RNF130: variants seen among roughly 807,000 people sequenced by gnomAD.
RNF130 encodes E3 ubiquitin-protein ligase RNF130.
A neutral mutation model predicts 44.6 loss-of-function variants in RNF130; 21 were observed. The observed-to-expected ratio is 0.47, with a 90% confidence interval of 0.33 to 0.68. The LOEUF (loss-of-function observed/expected upper bound fraction) is 0.68. Among genes scored for constraint, RNF130 ranks in the 30% least tolerant of loss-of-function variants. The probability of loss-of-function intolerance (pLI) is 0.02; values close to 1 mark genes in which losing one functional copy is unlikely to be tolerated. For synonymous variants in RNF130, 214 were observed against 210.4 expected, an observed-to-expected ratio of 1.02 and a Z score of -0.15; for missense variants, 479 against 560.6, an observed-to-expected ratio of 0.85 and a Z score of 1.47.
At chr5:179,944,419 T>C in intron 7 of RNF130, among the ~76,000 whole-genome samples, 1 of 152,218 alleles carries the variant, frequency 6.6e-6, no homozygotes, top group East Asian at 1.9e-4. Context: ...ATCTATATTT[T>C]ATATCTCCTT....
At chr5:179,979,510 A>G (rs915769917) in intron 4 of RNF130, among the ~76,000 whole-genome samples, 34 of 152,124 alleles carry the variant, frequency 2.2e-4, no homozygotes, top group Admixed American at 1.4e-3. Flanking sequence ...TTGAGATGCC[A>G]TTTTCCCATT....
chr5:180,004,063 A>T (rs1230683731), intron 3 of RNF130, among the ~76,000 whole-genome samples: 2 of 152,194 alleles, frequency 1.3e-5, no homozygotes, highest in African/African-American at 2.4e-5. Context: ...AGATTAAATA[A>T]TTTGCCCACA....
chr5:179,993,091 A>G (rs1763125938), intron 3 of RNF130, among the ~76,000 whole-genome samples: 1 of 152,186 alleles, frequency 6.6e-6, no homozygotes, highest in Non-Finnish European at 1.5e-5. Context: ...TCCATGGTGT[A>G]TATGTGCCAC....
At chr5:180,031,225 G>T (rs538121286) in intron 2 of RNF130, among the ~76,000 whole-genome samples, 6 of 152,154 alleles carry the variant, frequency 3.9e-5, no homozygotes, top group African/African-American at 1.4e-4. Flanking sequence ...GGTGGCTCAC[G>T]CCTGTACTCC....
intron 3 of RNF130, among the ~76,000 whole-genome samples, chr5:180,004,214 C>T (rs1330073322): frequency 6.6e-6 from 1 of 152,210 alleles, no homozygotes; most frequent in South Asian, 2.1e-4. Context: ...GTTTGAGACT[C>T]ACTAAATGAA....
Position 179,998,854 on chromosome 5 carries a change from AT to A in RNF130, c.693+14206del, listed in dbSNP as rs1243410906. 1.5e-4 allele frequency among the ~76,000 whole-genome samples: 13 copies of A among 88,290 alleles called. 1 individual carries two copies. The highest frequency in any genetic ancestry group is 7.6e-4 in the South Asian group (2 of 2,640). 57.9% of individuals were successfully genotyped at this position (88,290 alleles called of 152,430 possible). Reference sequence around the variant, plus strand: ...GTTTATCTCTCTCTTTAGATCTAGTATTTTTTATATATATATATATATATAT... The same window carrying A: ...GTTTATCTCTCTCTTTAGATCTAGTATTTTTATATATATATATATATATAT... On this transcript the variant is annotated intron_variant, in intron 3 of 8. Transcript: ENST00000521389.
intron 7 of RNF130, 82 bp from the exon 8 acceptor site, chr5:179,963,646 C>A: frequency 2.1e-6 from 2 of 974,930 alleles, no homozygotes; most frequent in South Asian, 2.7e-5. Flanking sequence ...TCAAATGCAA[C>A]GAAGCAGACG....
At chr5:179,963,362 C>G (rs1350236284) in intron 8 of RNF130, 109 bp downstream of exon 8, 1 of 753,412 alleles carries the variant, frequency 1.3e-6, no homozygotes, top group Non-Finnish European at 2.3e-6. Context: ...CCATCAGGAT[C>G]CGTATGAAAC....
chr5:179,994,870 T>C (rs1240903296), intron 3 of RNF130, among the ~76,000 whole-genome samples: 4 of 152,220 alleles, frequency 2.6e-5, no homozygotes, highest in African/African-American at 4.8e-5. Flanking sequence ...TTACGACTTA[T>C]CTTTGTTAAC....
chr5:180,008,349 G>A (rs904990828), intron 3 of RNF130, among the ~76,000 whole-genome samples: 6 of 152,046 alleles, frequency 3.9e-5, no homozygotes, highest in African/African-American at 1.4e-4. Flanking sequence ...GAGCCCAGTG[G>A]GAATAGGCTC....
chr5:180,053,842 T>A (rs200215989), intron 1 of RNF130, among the ~76,000 whole-genome samples: 8 of 122,292 alleles, frequency 6.5e-5, no homozygotes, highest in South Asian at 5.7e-4. Context: ...TTTTTTTTTT[T>A]AATTTGAGAC....
intron 7 of RNF130, chr5:179,940,131 T>C (rs1043971216): frequency 1.2e-5 from 2 of 160,830 alleles, no homozygotes; most frequent in South Asian, 3.6e-4. Context: ...TGGACCTTCA[T>C]AGTGACCGCT....
intron 7 of RNF130, among the ~76,000 whole-genome samples, chr5:179,930,637 A>G (rs1442037775): frequency 6.6e-6 from 1 of 152,228 alleles, no homozygotes; most frequent in Non-Finnish European, 1.5e-5. Flanking sequence ...AAAGTTTTTA[A>G]TATTTCACTG....
chr5:179,993,459 T>C (rs1763135716), intron 3 of RNF130, among the ~76,000 whole-genome samples: 1 of 152,260 alleles, frequency 6.6e-6, no homozygotes, highest in African/African-American at 2.4e-5. Context: ...TTGATTTGCA[T>C]TTCTCTGATG....
At chr5:179,929,148 T>A (rs1761769891) in intron 7 of RNF130, among the ~76,000 whole-genome samples, 1 of 152,210 alleles carries the variant, frequency 6.6e-6, no homozygotes, top group South Asian at 2.1e-4. Flanking sequence ...CAGTATAGTG[T>A]GAAGTAGGAA....
chr5:179,944,648 GTTCCTCAGGGGGC>G (rs1234835973), intron 7 of RNF130, among the ~76,000 whole-genome samples: 1 of 151,662 alleles, frequency 6.6e-6, no homozygotes. Context: ...CAGTCCCCCA[GTTCCTCAGGGGGC>G]TGAGGTGGGA....
intron 1 of RNF130, among the ~76,000 whole-genome samples, chr5:180,051,238 A>ATAGTTATTTATTTATT (rs1554107012): frequency 6.9e-6 from 1 of 144,096 alleles, no homozygotes; most frequent in Non-Finnish European, 1.5e-5. Flanking sequence ...TATAGATATT[A>ATAGTTATTTATTTATT]TATTTATTTA....
chr5:180,007,890 C>T (rs1242004849), intron 3 of RNF130, among the ~76,000 whole-genome samples: 11 of 152,158 alleles, frequency 7.2e-5, no homozygotes, highest in Non-Finnish European at 4.4e-5. Flanking sequence ...AGTCCACTAA[C>T]ACAGGCTTGC....
intron 6 of RNF130, among the ~76,000 whole-genome samples, chr5:179,968,736 G>C (rs543113597): frequency 6.6e-6 from 1 of 151,058 alleles, no homozygotes; most frequent in African/African-American, 2.4e-5. Context: ...GATGCTCTAT[G>C]TTAGACCAGT....
Sources: gnomAD v4.1 joint callset for allele counts (sites outside exome capture counted in the v4.1 genomes callset) on GRCh38, gnomAD v4.1.1 for gene constraint, MANE v1.5 for transcripts, NCBI Gene and HGNC (gene_info 2026-07-23, HGNC 2026-07-21) for gene names.